The following PDE4D variants were observed in gnomAD, a reference collection of about 807,000 sequenced individuals.
The protein encoded by PDE4D is 3',5'-cyclic-AMP phosphodiesterase 4D.
PDE4D carries 24 observed loss-of-function variants against 87.4 expected under a neutral mutation model. The observed-to-expected ratio is 0.27, with a 90% CI of 0.20 to 0.39. PDE4D has a LOEUF of 0.39. Among genes scored for constraint, PDE4D ranks in the 10% least tolerant of loss-of-function variants. PDE4D has a pLI of 1.00. For synonymous variants in PDE4D, 384 were observed against 383.2 expected, an observed-to-expected ratio of 1.00 and a Z score of -0.02; for missense variants, 714 against 1,041.0, an observed-to-expected ratio of 0.69 and a Z score of 4.32.
chr5:59,374,143 C>T (rs1023702702), intron 1 of PDE4D, among the ~76,000 whole-genome samples: 2 of 152,164 alleles, frequency 1.3e-5, no homozygotes, highest in African/African-American at 4.8e-5. Flanking sequence ...AACCAGCTAA[C>T]ATCATGATGA....
At chr5:60,477,337 G>A (rs1748408120) in intron 1 of PDE4D, among the ~76,000 whole-genome samples, 1 of 152,166 alleles carries the variant, frequency 6.6e-6, no homozygotes, top group Non-Finnish European at 1.5e-5. Context: ...GCTTTAAAAA[G>A]GAGGAGTTAG....
chr5:59,821,265 C>A (rs111640105), intron 1 of PDE4D, among the ~76,000 whole-genome samples: 10 of 151,818 alleles, frequency 6.6e-5, no homozygotes, highest in African/African-American at 2.4e-4. Flanking sequence ...ACAACAACAA[C>A]AACAACAACA....
intron 1 of PDE4D, among the ~76,000 whole-genome samples, chr5:59,498,855 A>G (rs995495086): frequency 6.6e-6 from 1 of 152,124 alleles, no homozygotes; most frequent in African/African-American, 2.4e-5. Context: ...CACGAGTGAA[A>G]GCAATAGACA....
intron 1 of PDE4D, among the ~76,000 whole-genome samples, chr5:59,859,601 G>A (rs1445363983): frequency 6.6e-6 from 1 of 152,110 alleles, no homozygotes; most frequent in Non-Finnish European, 1.5e-5. Flanking sequence ...TGAAGAACAG[G>A]ATAATAACCA....
chr5:59,359,472 C>A (rs1411117255), intron 1 of PDE4D, among the ~76,000 whole-genome samples: 1 of 152,032 alleles, frequency 6.6e-6, no homozygotes, highest in African/African-American at 2.4e-5. Flanking sequence ...TCAGTAAGGT[C>A]ATAGAAATAA....
chr5:59,808,108 A>G (rs545876342), intron 1 of PDE4D, among the ~76,000 whole-genome samples: 1 of 152,316 alleles, frequency 6.6e-6, no homozygotes, highest in South Asian at 2.1e-4. Flanking sequence ...AAAATGACAG[A>G]TTTCACTGGA....
At chr5:58,980,137 A>G (rs1744762351) in intron 11 of PDE4D, among the ~76,000 whole-genome samples, 1 of 152,210 alleles carries the variant, frequency 6.6e-6, no homozygotes, top group East Asian at 1.9e-4. Flanking sequence ...ATGGAGCCAT[A>G]TAGGTGGGAA....
intron 1 of PDE4D, among the ~76,000 whole-genome samples, chr5:59,340,260 A>G (rs987504539): frequency 2.6e-5 from 4 of 152,200 alleles, no homozygotes; most frequent in African/African-American, 7.2e-5. Flanking sequence ...CGTAGTGTCT[A>G]CTGTCTAGAT....
At chr5:59,302,712 T>A (rs1442242039) in intron 1 of PDE4D, among the ~76,000 whole-genome samples, 15 of 152,236 alleles carry the variant, frequency 9.9e-5, no homozygotes, top group Admixed American at 9.8e-4. Context: ...GTTAATTCAT[T>A]CCTTTTCATA....
chr5:60,052,424 C>T (rs570070869), intron 2 of PDE4D, among the ~76,000 whole-genome samples: 1 of 152,216 alleles, frequency 6.6e-6, no homozygotes, highest in South Asian at 2.1e-4. Flanking sequence ...ATAAACAGAA[C>T]CAATGACAAA....
chr5:58,977,621 T>C lies in PDE4D; in HGVS notation c.1553-276A>G, dbSNP rs17719378. 0.25 allele frequency among the ~76,000 whole-genome samples: 38,436 copies of C among 152,124 alleles called. 6,029 individuals are homozygous for C. The highest frequency in any genetic ancestry group is 0.35 in the Non-Finnish European group (23,761 of 67,960). On this transcript the variant is annotated intron_variant, in intron 11 of 14. Coordinates refer to ENST00000340635, the MANE Select transcript of PDE4D (RefSeq NM_001104631.2). ...CTCTAAAGTGAAAGAATTGGATCTT[T>C]AACCTCTCCTCTAGAGTTGCCATGA... is the stretch of plus-strand genomic sequence containing the variant.
chr5:59,355,783 C>G (rs1781284228), intron 1 of PDE4D, among the ~76,000 whole-genome samples: 2 of 152,168 alleles, frequency 1.3e-5, no homozygotes, highest in Middle Eastern at 3.4e-3. Context: ...AGGACATTAT[C>G]TTCTTTAGTG....
At chr5:60,184,108 C>T (rs934155540) in intron 2 of PDE4D, among the ~76,000 whole-genome samples, 10 of 152,122 alleles carry the variant, frequency 6.6e-5, no homozygotes, top group Admixed American at 2.6e-4. Flanking sequence ...TAGGAAGTCT[C>T]CTAGCATCAT....
intron 1 of PDE4D, among the ~76,000 whole-genome samples, chr5:60,298,932 G>A (rs1753656439): frequency 6.6e-6 from 1 of 152,018 alleles, no homozygotes; most frequent in Admixed American, 6.6e-5. Flanking sequence ...CAGTCACCAC[G>A]GAACTTTGAA....
At chr5:60,321,440 T>C (rs888193556) in intron 1 of PDE4D, among the ~76,000 whole-genome samples, 15 of 152,282 alleles carry the variant, frequency 9.9e-5, no homozygotes, top group Admixed American at 9.8e-4. Context: ...ACTATACAAA[T>C]GCTGGAAGAT....
chr5:59,973,605 A>G (rs1355342569), intron 3 of PDE4D, among the ~76,000 whole-genome samples: 2 of 152,182 alleles, frequency 1.3e-5, no homozygotes, highest in South Asian at 2.1e-4. Flanking sequence ...AGAACATACC[A>G]GAATTTATAA....
chr5:60,203,941 G>C (rs1742204332), intron 1 of PDE4D, among the ~76,000 whole-genome samples: 1 of 152,102 alleles, frequency 6.6e-6, no homozygotes, highest in African/African-American at 2.4e-5. Context: ...AGATTAACAT[G>C]TTTATAAAAA....
chr5:60,266,962 T>C (rs556338425), intron 1 of PDE4D, among the ~76,000 whole-genome samples: 2 of 152,330 alleles, frequency 1.3e-5, no homozygotes, highest in East Asian at 3.9e-4. Context: ...CCCAAACCCA[T>C]GTGTTTCTGC....
chr5:60,075,384 T>G (rs1487922132), intron 2 of PDE4D, among the ~76,000 whole-genome samples: 1 of 152,182 alleles, frequency 6.6e-6, no homozygotes, highest in Non-Finnish European at 1.5e-5. Context: ...GTCTGCTGTG[T>G]CAGAAGGACT....
Sources: allele counts gnomAD v4.1 joint callset (sites outside exome capture counted in the v4.1 genomes callset), GRCh38; gene constraint gnomAD v4.1.1; transcripts MANE v1.5; gene names NCBI Gene and HGNC (gene_info 2026-07-23, HGNC 2026-07-21).